The following QTMAN variants were observed in gnomAD, a reference collection of about 807,000 sequenced individuals.
QTMAN encodes queuosine-tRNA mannosyltransferase.
the QTMAN span, among the ~76,000 whole-genome samples, chr2:143,993,281 G>A: frequency 2.6e-5 from 4 of 151,868 alleles, no homozygotes; most frequent in African/African-American, 9.7e-5. Flanking sequence ...ATGAATGAAC[G>A]AACAAATGAA....
chr2:144,204,526 C>G, the QTMAN span, among the ~76,000 whole-genome samples: 1 of 152,172 alleles, frequency 6.6e-6, no homozygotes, highest in Non-Finnish European at 1.5e-5. Context: ...GAAATAGGAA[C>G]ACTTTTACAC....
At chr2:144,284,918 C>T in the QTMAN span, among the ~76,000 whole-genome samples, 1 of 149,156 alleles carries the variant, frequency 6.7e-6, no homozygotes, top group Admixed American at 6.7e-5. Flanking sequence ...AATCCCGGCA[C>T]TTTGGGAGGC....
At chr2:144,056,422 G>A in the QTMAN span, among the ~76,000 whole-genome samples, 1 of 152,190 alleles carries the variant, frequency 6.6e-6, no homozygotes, top group Non-Finnish European at 1.5e-5. Flanking sequence ...TAAAACTTCA[G>A]GGTCACGAGC....
the QTMAN span, among the ~76,000 whole-genome samples, chr2:144,316,907 T>G: frequency 6.6e-6 from 1 of 152,224 alleles, no homozygotes; most frequent in African/African-American, 2.4e-5. Flanking sequence ...ACTCTAAGAC[T>G]TTGTATACAC....
At chr2:144,158,452 A>G in the QTMAN span, among the ~76,000 whole-genome samples, 5 of 151,874 alleles carry the variant, frequency 3.3e-5, no homozygotes, top group African/African-American at 4.8e-5. Context: ...AGAATGTAAC[A>G]TAAGTGTGTG....
chr2:144,301,098 AT>A, the QTMAN span, among the ~76,000 whole-genome samples: 1 of 152,260 alleles, frequency 6.6e-6, no homozygotes, highest in African/African-American at 2.4e-5. Flanking sequence ...ATTTAAAAAA[AT>A]CTGATTAAAA....
the QTMAN span, chr2:143,941,742 G>C: frequency 6.6e-6 from 1 of 151,466 alleles, no homozygotes; most frequent in Non-Finnish European, 1.5e-5. Flanking sequence ...TGGCAGAAAT[G>C]TGGGCCACAA....
chr2:144,154,546 C>T, the QTMAN span, among the ~76,000 whole-genome samples: 1 of 151,992 alleles, frequency 6.6e-6, no homozygotes, highest in Non-Finnish European at 1.5e-5. Context: ...AGTAGAGTGC[C>T]CAGTAGGTAA....
At chr2:143,961,846 A>C in the QTMAN span, among the ~76,000 whole-genome samples, 2 of 152,114 alleles carry the variant, frequency 1.3e-5, no homozygotes, top group African/African-American at 4.8e-5. Context: ...TTCTCACAGG[A>C]CACATTGAGG....
At chr2:144,092,870 G>GGTGTGTGTGTGTGT in the QTMAN span, among the ~76,000 whole-genome samples, 89 of 140,724 alleles carry the variant, frequency 6.3e-4, 1 homozygote, top group East Asian at 5.5e-3. Context: ...AAACTTTTGG[G>GGTGTGTGTGTGTGT]GTGTGTGTGT....
At chr2:144,039,585 A>C in the QTMAN span, among the ~76,000 whole-genome samples, 4 of 152,312 alleles carry the variant, frequency 2.6e-5, no homozygotes, top group East Asian at 7.7e-4. Flanking sequence ...ATGGAAGATA[A>C]AAATGCATTT....
At chr2:144,142,119 C>A in the QTMAN span, 50 of 1,127,536 alleles carry the variant, frequency 4.4e-5, no homozygotes, top group Non-Finnish European at 6.1e-5. Flanking sequence ...TTTTTATCAA[C>A]CTAAGACCTC....
the QTMAN span, among the ~76,000 whole-genome samples, chr2:144,144,386 G>GT: frequency 3.6e-3 from 541 of 151,892 alleles, 3 homozygotes; most frequent in African/African-American, 0.012. Context: ...AATAGACTTA[G>GT]TTTTTTTCCC....
the QTMAN span, among the ~76,000 whole-genome samples, chr2:144,276,275 G>GCC: frequency 6.6e-6 from 1 of 152,080 alleles, no homozygotes; most frequent in African/African-American, 2.4e-5. Flanking sequence ...TCCAACTTCT[G>GCC]ACCTCAAGCA....
At chr2:143,981,477 T>C in the QTMAN span, among the ~76,000 whole-genome samples, 29 of 152,324 alleles carry the variant, frequency 1.9e-4, no homozygotes, top group African/African-American at 6.5e-4. Flanking sequence ...GACAAGGTCT[T>C]CAATCAGATG....
the QTMAN span, among the ~76,000 whole-genome samples, chr2:144,272,711 ATGTG>A: frequency 2.0e-5 from 3 of 151,772 alleles, no homozygotes; most frequent in Admixed American, 6.6e-5. Flanking sequence ...AATCTACATT[ATGTG>A]TGTGTGTGTA....
At chr2:144,258,485 C>T in the QTMAN span, among the ~76,000 whole-genome samples, 1 of 152,128 alleles carries the variant, frequency 6.6e-6, no homozygotes, top group Non-Finnish European at 1.5e-5. Flanking sequence ...CTCTATATTA[C>T]CATCAGTCAC....
chr2:144,007,699 G>A, the QTMAN span, among the ~76,000 whole-genome samples: 1 of 152,068 alleles, frequency 6.6e-6, no homozygotes, highest in African/African-American at 2.4e-5. Flanking sequence ...GCCACTAAGA[G>A]AAGTTCAAAA....
the QTMAN span, among the ~76,000 whole-genome samples, chr2:143,948,422 A>G: frequency 6.6e-6 from 1 of 152,206 alleles, no homozygotes; most frequent in African/African-American, 2.4e-5. Flanking sequence ...CTCAAAAAGC[A>G]AGAATGGCAT....
Sources: gnomAD v4.1 joint callset for allele counts (sites outside exome capture counted in the v4.1 genomes callset) on GRCh38, gnomAD v4.1.1 for gene constraint, MANE v1.5 for transcripts, NCBI Gene and HGNC (gene_info 2026-07-23, HGNC 2026-07-21) for gene names.